Variants in KCNB2 observed in about 807,000 individuals in gnomAD.
The protein encoded by KCNB2 is delayed rectifier potassium channel protein.
KCNB2 carries 15 observed loss-of-function variants against 61.5 expected under a neutral mutation model. That is an observed-to-expected ratio of 0.24 (90% confidence interval 0.16 to 0.38). The LOEUF (loss-of-function observed/expected upper bound fraction) is 0.38, where lower values mean the gene tolerates loss of function less well. Among genes scored for constraint, KCNB2 ranks in the 10% least tolerant of loss-of-function variants. KCNB2 has a pLI of 1.00. For synonymous variants in KCNB2, 457 were observed against 446.0 expected (o/e 1.02, Z -0.31); for missense variants, 828 against 1,125.2 (o/e 0.74, Z 3.78).
At chr8:72,829,999 A>G (rs2129001767) in intron 2 of KCNB2, among the ~76,000 whole-genome samples, 1 of 147,792 alleles carries the variant, frequency 6.8e-6, no homozygotes, top group African/African-American at 2.5e-5. Flanking sequence ...AAAAAAAAAA[A>G]GCCAACTAGG....
chr8:72,905,628 G>A (rs868849514), intron 2 of KCNB2, among the ~76,000 whole-genome samples: 4 of 152,134 alleles, frequency 2.6e-5, no homozygotes, highest in East Asian at 3.9e-4. Flanking sequence ...TCTGATAGTC[G>A]GGGAGCACGA....
At chr8:72,649,231 G>A (rs1332352079) in intron 2 of KCNB2, among the ~76,000 whole-genome samples, 1 of 151,972 alleles carries the variant, frequency 6.6e-6, no homozygotes, top group African/African-American at 2.4e-5. Context: ...ATGGATATTG[G>A]TTTCTGCTTT....
chr8:72,832,219 G>A (rs957441818), intron 2 of KCNB2, among the ~76,000 whole-genome samples: 1 of 152,190 alleles, frequency 6.6e-6, no homozygotes, highest in Non-Finnish European at 1.5e-5. Flanking sequence ...ATTATAAAAG[G>A]ATGGCCTGGA....
intron 2 of KCNB2, among the ~76,000 whole-genome samples, chr8:72,744,166 A>C (rs924138130): frequency 3.9e-5 from 6 of 152,198 alleles, no homozygotes; most frequent in Admixed American, 3.9e-4. Context: ...AAAGCCGGGA[A>C]TAAGAGAAGA....
At chr8:72,854,598 A>G (rs1373788903) in intron 2 of KCNB2, among the ~76,000 whole-genome samples, 1 of 152,094 alleles carries the variant, frequency 6.6e-6, no homozygotes, top group Non-Finnish European at 1.5e-5. Context: ...AGATAATGAG[A>G]CTGACTTTAA....
intron 2 of KCNB2, among the ~76,000 whole-genome samples, chr8:72,679,564 T>C (rs991608614): frequency 1.3e-5 from 2 of 152,264 alleles, no homozygotes; most frequent in Admixed American, 6.5e-5. Flanking sequence ...AGTGTTTTAT[T>C]ATTACAATTT....
intron 2 of KCNB2, among the ~76,000 whole-genome samples, chr8:72,920,461 C>CTA (rs1210179232): frequency 1.4e-5 from 1 of 72,596 alleles, no homozygotes; most frequent in Admixed American, 1.4e-4. Context: ...ATCTATCTAT[C>CTA]TATCTATCTA....
chr8:72,896,181 A>C (rs1468543761), intron 2 of KCNB2, among the ~76,000 whole-genome samples: 14 of 152,126 alleles, frequency 9.2e-5, no homozygotes, highest in Admixed American at 8.5e-4. Flanking sequence ...AATAAGCTTA[A>C]CTCTAATGAC....
intron 2 of KCNB2, among the ~76,000 whole-genome samples, chr8:72,578,218 A>C (rs909453224): frequency 6.6e-6 from 1 of 152,246 alleles, no homozygotes. Flanking sequence ...GAGGCCCTAC[A>C]TAATATCCCT....
intron 2 of KCNB2, among the ~76,000 whole-genome samples, chr8:72,870,748 G>C (rs1563410386): frequency 6.6e-6 from 1 of 152,154 alleles, no homozygotes; most frequent in Non-Finnish European, 1.5e-5. Flanking sequence ...CTCTTAATAA[G>C]GATAGCAATT....
chr8:72,649,753 A>C (rs1461062832), intron 2 of KCNB2, among the ~76,000 whole-genome samples: 1 of 152,158 alleles, frequency 6.6e-6, no homozygotes, highest in African/African-American at 2.4e-5. Flanking sequence ...AATCCCAGAG[A>C]ACCCCTAAAC....
At chr8:72,919,358 AC>A (rs1164327765) in intron 2 of KCNB2, among the ~76,000 whole-genome samples, 3 of 152,154 alleles carry the variant, frequency 2.0e-5, no homozygotes, top group East Asian at 1.9e-4. Flanking sequence ...CCTGAAAACC[AC>A]AGAAGGAAGT....
chr8:72,853,717 T>G (rs1039109493), intron 2 of KCNB2, among the ~76,000 whole-genome samples: 1 of 152,212 alleles, frequency 6.6e-6, no homozygotes, highest in African/African-American at 2.4e-5. Flanking sequence ...AAACCAATGC[T>G]AATAAAGTGA....
intron 2 of KCNB2, among the ~76,000 whole-genome samples, chr8:72,609,693 G>A (rs1363029677): frequency 1.3e-5 from 2 of 152,140 alleles, no homozygotes; most frequent in Non-Finnish European, 2.9e-5. Flanking sequence ...ATATTATAAT[G>A]TCAATTAGGA....
intron 2 of KCNB2, among the ~76,000 whole-genome samples, chr8:72,734,407 C>A (rs1807802646): frequency 6.6e-6 from 1 of 152,116 alleles, no homozygotes; most frequent in South Asian, 2.1e-4. Context: ...TTCCAAAGAG[C>A]ATGTATATGA....
chr8:72,591,632 C>CT, intron 2 of KCNB2, among the ~76,000 whole-genome samples: 2 of 152,150 alleles, frequency 1.3e-5, no homozygotes, highest in East Asian at 3.9e-4. Flanking sequence ...TTCCTGTTCA[C>CT]TAGACTTGAA....
intron 2 of KCNB2, among the ~76,000 whole-genome samples, chr8:72,627,158 G>A (rs992719291): frequency 2.0e-5 from 3 of 152,154 alleles, no homozygotes; most frequent in African/African-American, 7.2e-5. Context: ...TATCAGTCAT[G>A]TATACTTTAG....
chr8:72,719,372 GACA>G, intron 2 of KCNB2, among the ~76,000 whole-genome samples: 1 of 152,208 alleles, frequency 6.6e-6, no homozygotes, highest in South Asian at 2.1e-4. Flanking sequence ...TTTTCTTGGG[GACA>G]ACAAGCATAA....
intron 2 of KCNB2, among the ~76,000 whole-genome samples, chr8:72,586,581 A>G (rs1010220628): frequency 1.3e-5 from 2 of 152,202 alleles, no homozygotes; most frequent in African/African-American, 4.8e-5. Flanking sequence ...ACAAGCATTA[A>G]TTGTCTACCA....
Sources: gnomAD v4.1 joint callset for allele counts (sites outside exome capture counted in the v4.1 genomes callset) on GRCh38, gnomAD v4.1.1 for gene constraint, MANE v1.5 for transcripts, NCBI Gene and HGNC (gene_info 2026-07-23, HGNC 2026-07-21) for gene names.